The following KCTD16 variants were observed in gnomAD, a reference collection of about 807,000 sequenced individuals.
KCTD16 encodes the protein BTB/POZ domain-containing protein KCTD16.
Under a neutral mutation model 33.2 loss-of-function variants are expected in KCTD16, and 13 were observed. The ratio of observed to expected loss-of-function variants is 0.39; its 90% confidence interval spans 0.25 to 0.62. The LOEUF (loss-of-function observed/expected upper bound fraction) is 0.62, where lower values mean the gene tolerates loss of function less well. KCTD16 is among the 20% of genes least tolerant of loss of function. The probability of loss-of-function intolerance (pLI) is 0.50; values close to 1 mark genes in which losing one functional copy is unlikely to be tolerated. For synonymous variants in KCTD16, 197 were observed against 195.3 expected (o/e 1.01, Z -0.07); for missense variants, 441 against 525.1 (o/e 0.84, Z 1.57).
At chr5:144,250,280 C>T (rs1247499041) in intron 3 of KCTD16, among the ~76,000 whole-genome samples, 1 of 152,102 alleles carries the variant, frequency 6.6e-6, no homozygotes, top group Non-Finnish European at 1.5e-5. Flanking sequence ...AGCAGAGCTG[C>T]ACAGAAGGGG....
chr5:144,234,358 C>T (rs1681154203), intron 3 of KCTD16, among the ~76,000 whole-genome samples: 1 of 152,128 alleles, frequency 6.6e-6, no homozygotes, highest in Non-Finnish European at 1.5e-5. Context: ...AATCGCTTCA[C>T]ACATTTTAAA....
At chr5:144,219,370 C>G (rs1193025374) in intron 3 of KCTD16, among the ~76,000 whole-genome samples, 1 of 151,798 alleles carries the variant, frequency 6.6e-6, no homozygotes, top group Admixed American at 6.6e-5. Flanking sequence ...CCCGCCACTG[C>G]GTCTGGCTAA....
chr5:144,362,231 A>G (rs1351555554), intron 3 of KCTD16, among the ~76,000 whole-genome samples: 1 of 152,178 alleles, frequency 6.6e-6, no homozygotes, highest in Non-Finnish European at 1.5e-5. Context: ...CCAGTAGGCA[A>G]AGTTGATATC....
At chr5:144,338,815 G>A (rs977954964) in intron 3 of KCTD16, among the ~76,000 whole-genome samples, 1 of 152,152 alleles carries the variant, frequency 6.6e-6, no homozygotes, top group African/African-American at 2.4e-5. Context: ...AATGGTGAAA[G>A]GCCAAGGGGT....
intron 2 of KCTD16, among the ~76,000 whole-genome samples, chr5:144,183,986 G>A (rs1271740560): frequency 1.3e-5 from 2 of 152,054 alleles, no homozygotes; most frequent in African/African-American, 4.8e-5. Flanking sequence ...CATTAGGTTT[G>A]TTACATTATC....
Position 144,276,086 on chromosome 5 carries a change from A to G in KCTD16, c.832+68540A>G, listed in dbSNP as rs553345756. On this transcript the variant is annotated intron_variant, in intron 3 of 3. Transcript: ENST00000512467. ...TAATTTTTAGTTATATAAATAATAC[A>G]TGAATACATTTTCCCTTAAAGGCTC... is the stretch of plus-strand genomic sequence containing the variant. Among the ~76,000 whole-genome samples the G allele has an allele frequency of 1.5e-3, 225 of 152,354 alleles. 1 individual carries two copies. Among genetic ancestry groups the G allele is most frequent in the African/African-American group, 5.2e-3 (216 of 41,584 alleles).
intron 3 of KCTD16, among the ~76,000 whole-genome samples, chr5:144,209,852 A>G (rs1580789910): frequency 6.8e-6 from 1 of 146,172 alleles, no homozygotes; most frequent in South Asian, 2.1e-4. Context: ...ATATGTGTAT[A>G]TATATACACA....
rs544512596 is a variant in KCTD16 at position 144,245,366 on chromosome 5, C to T, written c.832+37820C>T. Among the ~76,000 whole-genome samples the T allele has an allele frequency of 4.6e-5, 7 of 152,170 alleles. No homozygotes were observed. In the South Asian group the frequency reaches 8.3e-4, roughly 18 times the overall value. ...CATCAGAGAAGTCAAGGAAAACATC[C>T]GCAAGGAAGTTATGGTTGCGGTGCG... On this transcript the variant is annotated intron_variant, in intron 3 of 3. Transcript: ENST00000512467.
At chr5:144,440,156 G>A (rs1363221) in intron 3 of KCTD16, among the ~76,000 whole-genome samples, 12,494 of 151,966 alleles carry the variant, frequency 0.082, 1,699 homozygotes, top group African/African-American at 0.28. Context: ...CCACCACACC[G>A]ACTTTTATAC....
At chr5:144,404,975 G>A (rs1752780341) in intron 3 of KCTD16, among the ~76,000 whole-genome samples, 1 of 152,190 alleles carries the variant, frequency 6.6e-6, no homozygotes, top group Non-Finnish European at 1.5e-5. Context: ...CATGTCATAT[G>A]TAAAGTTCAG....
chr5:144,439,540 T>C (rs753274266), intron 3 of KCTD16: 10 of 194,122 alleles, frequency 5.2e-5, no homozygotes, highest in Non-Finnish European at 9.7e-5. Context: ...CTAACATCTT[T>C]CTGATAACAC....
At chr5:144,408,208 T>C (rs112815916) in intron 3 of KCTD16, among the ~76,000 whole-genome samples, 1,924 of 152,344 alleles carry the variant, frequency 0.013, 38 homozygotes, top group African/African-American at 0.044. Context: ...GTTGCTCTTC[T>C]GCACATTGTT....
intron 3 of KCTD16, among the ~76,000 whole-genome samples, chr5:144,319,405 GTTT>G (rs1580869662): frequency 1.3e-5 from 2 of 152,178 alleles, no homozygotes; most frequent in Non-Finnish European, 2.9e-5. Context: ...GTTAAAATGA[GTTT>G]TTTATTTCCA....
chr5:144,384,336 A>C (rs1025837650), intron 3 of KCTD16: 1 of 152,054 alleles, frequency 6.6e-6, no homozygotes, highest in Non-Finnish European at 1.5e-5. Flanking sequence ...CTAAGGAAGA[A>C]GTGGGAAAGG....
rs1424306877 is a variant in KCTD16, at chr5:144,205,800, C to T, written c.-326-589C>T. The T allele has an allele frequency of 6.3e-5, 24 of 381,526 alleles. No individual in the cohort carries two copies. In the Middle Eastern group the frequency reaches 2.0e-3, roughly 31 times the overall value. 23.6% of individuals were successfully genotyped at this position (381,526 alleles called of 1,614,324 possible). A position where few individuals can be genotyped will look rare whatever the true frequency, so the allele number is the denominator to read the frequency against. On this transcript the variant is annotated intron_variant, in intron 2 of 3. Coordinates refer to ENST00000512467, the MANE Select transcript of KCTD16 (RefSeq NM_020768.4). Reference sequence around the variant, plus strand: ...TTGCGACTTGTTTTAACTTAAGATACGGAATGAACACATATGTACCTACAT... The same window carrying T: ...TTGCGACTTGTTTTAACTTAAGATATGGAATGAACACATATGTACCTACAT...
intron 3 of KCTD16, among the ~76,000 whole-genome samples, chr5:144,287,370 C>A (rs1223885420): frequency 6.6e-6 from 1 of 152,214 alleles, no homozygotes; most frequent in Non-Finnish European, 1.5e-5. Flanking sequence ...CTGCCAGGCC[C>A]CTTGGCCAAT....
At chr5:144,239,306 A>C in intron 3 of KCTD16, among the ~76,000 whole-genome samples, 1 of 152,098 alleles carries the variant, frequency 6.6e-6, no homozygotes, top group Admixed American at 6.6e-5. Context: ...AACATTATTA[A>C]GAAGTTTGGG....
rs558584770 is a variant in KCTD16 at position 144,464,625 on chromosome 5, T to G, written c.833-9035T>G. On this transcript the variant is annotated intron_variant, in intron 3 of 3. Coordinates refer to ENST00000512467, the MANE Select transcript of KCTD16 (RefSeq NM_020768.4). ...AAAGCACTTACTATCACACATGACATGTGATAGGTGCTCACGGTTCATTAA... is the reference window on the plus strand; with the variant it reads ...AAAGCACTTACTATCACACATGACAGGTGATAGGTGCTCACGGTTCATTAA... 2.0e-5 allele frequency among the ~76,000 whole-genome samples: 3 copies of G among 152,308 alleles called. No individual in the cohort carries two copies. The South Asian group carries it at 6.2e-4, about 32-fold the overall frequency.
intron 3 of KCTD16, among the ~76,000 whole-genome samples, chr5:144,367,588 A>T (rs1465267897): frequency 6.6e-6 from 1 of 152,130 alleles, no homozygotes; most frequent in Non-Finnish European, 1.5e-5. Context: ...GGAGGTCACA[A>T]CTTATAGCTC....
Sources: gnomAD v4.1 joint callset for allele counts (sites outside exome capture counted in the v4.1 genomes callset) on GRCh38, gnomAD v4.1.1 for gene constraint, MANE v1.5 for transcripts, NCBI Gene and HGNC (gene_info 2026-07-23, HGNC 2026-07-21) for gene names.